The following TPO variants were observed in gnomAD, a reference collection of about 807,000 sequenced individuals.
TPO encodes the protein thyroid microsomal antigen.
Under a neutral mutation model 96.9 loss-of-function variants are expected in TPO, and 78 were observed. The observed-to-expected ratio is 0.81, with a 90% CI of 0.67 to 0.97. The LOEUF (loss-of-function observed/expected upper bound fraction) is 0.97. Among genes scored for constraint, TPO ranks in the 50% least tolerant of loss-of-function variants. The probability of loss-of-function intolerance (pLI) is 0.00; values close to 1 mark genes in which losing one functional copy is unlikely to be tolerated. For missense variants in TPO, 1,252 were observed against 1,274.8 expected, an observed-to-expected ratio of 0.98 and a Z score of 0.27; for synonymous variants, 547 against 538.0, an observed-to-expected ratio of 1.02 and a Z score of -0.23.
Position 1,477,931 on chromosome 2 carries a change from CCCCACAACA to C in TPO, c.1338+328_1338+336del, listed in dbSNP as rs537021291. On this transcript the variant is annotated intron_variant, in intron 8 of 16. Transcript: ENST00000329066. ...TCCCACCAAGACCCAACAACCACAGCCCCACAACAGTGGCAGCCAGACCACCCAGGTTTC... is the reference window on the plus strand; with the variant it reads ...TCCCACCAAGACCCAACAACCACAGCGTGGCAGCCAGACCACCCAGGTTTC... 3.2e-4 allele frequency: 311 copies of C among 985,388 alleles called. 1 individual carries two copies. The African/African-American group carries it at 5.2e-3, about 17-fold the overall frequency. 61.0% of individuals were successfully genotyped at this position (985,388 alleles called of 1,614,324 possible).
At chr2:1,482,166 G>A (rs1477807272) in intron 8 of TPO, among the ~76,000 whole-genome samples, 2 of 152,214 alleles carry the variant, frequency 1.3e-5, no homozygotes, top group Admixed American at 6.5e-5. Context: ...TGTGCCAGGG[G>A]CTACGCGGCT....
chr2:1,387,194 A>T (rs1274858485), intron 1 of TPO, among the ~76,000 whole-genome samples: 2 of 151,950 alleles, frequency 1.3e-5, no homozygotes, highest in African/African-American at 4.8e-5. Flanking sequence ...TGTGTCTTGG[A>T]GTTGCTCTTC....
At chr2:1,466,225 A>C (rs1465875148) in intron 7 of TPO, among the ~76,000 whole-genome samples, 2 of 152,186 alleles carry the variant, frequency 1.3e-5, no homozygotes, top group African/African-American at 4.8e-5. Flanking sequence ...CCATCCCTGC[A>C]TCCCTGGTAT....
At chr2:1,422,348 C>T (rs74354498) in intron 2 of TPO, among the ~76,000 whole-genome samples, 11,708 of 89,574 alleles carry the variant, frequency 0.13, 864 homozygotes, top group Admixed American at 0.14. Flanking sequence ...CTGGACCGAC[C>T]TCGTGCAGGC....
chr2:1,503,100 C>T (rs1290817111), intron 13 of TPO, among the ~76,000 whole-genome samples: 2 of 152,204 alleles, frequency 1.3e-5, no homozygotes, highest in African/African-American at 2.4e-5. Context: ...CTCCACTCAG[C>T]GGTGAGACTG....
chr2:1,541,092 A>C, intron 16 of TPO: 3 of 1,206,646 alleles, frequency 2.5e-6, no homozygotes, highest in Non-Finnish European at 3.1e-6. Context: ...AGTTATAATC[A>C]GTGTGGAAAA....
rs572281412 is a variant in TPO, at chr2:1,541,313, G to T, written c.2748+590G>T. On this transcript the variant is annotated intron_variant, in intron 16 of 16. Transcript: ENST00000329066. ...TCAGGTCTGCTGCACGGCATGGGGC[G>T]CACGCTTCCTCATAATGATCGCATG... The T allele has an allele frequency of 8.8e-6, 4 of 455,248 alleles. No homozygotes were observed. In the South Asian group the frequency reaches 2.8e-4, roughly 32 times the overall value. The allele number at this position is 455,248 out of a possible 1,614,324, so 28.2% of individuals were successfully genotyped here. A position where few individuals can be genotyped will look rare whatever the true frequency, so the allele number is the denominator to read the frequency against.
At chr2:1,374,163 A>T (rs72774216), upstream of TPO, 1 of 152,110 alleles carries the variant, frequency 6.6e-6, no homozygotes, top group African/African-American at 2.4e-5. Flanking sequence ...TCTTCACGAG[A>T]TTATAAGGAA....
At chr2:1,445,635 G>A (rs1666721300) in intron 5 of TPO, among the ~76,000 whole-genome samples, 1 of 143,392 alleles carries the variant, frequency 7.0e-6, no homozygotes, top group African/African-American at 2.7e-5. Flanking sequence ...AGGGAATGGG[G>A]CAGGCTCCTT....
rs1283097289 is a variant in TPO at position 1,536,651 on chromosome 2, C to CG, written c.2619-3943_2619-3942insG. On this transcript the variant is annotated intron_variant, in intron 15 of 16. Coordinates refer to ENST00000329066, the MANE Select transcript of TPO (RefSeq NM_001206744.2). ...TGAAACCTCCCCAAATCCCCCCCCC[C>CG]ACTGTGTGCAACCTCCCCAGATCTC... Among the ~76,000 whole-genome samples, 42 of 84,996 alleles carry CG rather than the reference C, an allele frequency of 4.9e-4. 1 individual carries two copies. In the East Asian group the frequency reaches 0.012, roughly 25 times the overall value. 55.8% of individuals were successfully genotyped at this position (84,996 alleles called of 152,430 possible).
intron 15 of TPO, among the ~76,000 whole-genome samples, chr2:1,536,773 T>C (rs554516654): frequency 8.5e-5 from 7 of 82,298 alleles, no homozygotes; most frequent in African/African-American, 3.2e-4. Flanking sequence ...TCACTCTGTG[T>C]AATCTCCCCA....
chr2:1,530,166 C>G (rs1317868437), intron 15 of TPO, among the ~76,000 whole-genome samples: 2 of 112,358 alleles, frequency 1.8e-5, no homozygotes, highest in African/African-American at 3.9e-5. Flanking sequence ...GCAACCTCCT[C>G]AAATCCCCCC....
chr2:1,412,357 C>T (rs28909985), upstream of TPO, among the ~76,000 whole-genome samples: 652 of 152,268 alleles, frequency 4.3e-3, 8 homozygotes, highest in African/African-American at 0.015. Context: ...AATGAGCCAC[C>T]GAGTCTGGTC....
intron 15 of TPO, among the ~76,000 whole-genome samples, chr2:1,540,278 A>C (rs1361593070): frequency 1.3e-5 from 2 of 152,124 alleles, no homozygotes; most frequent in African/African-American, 4.8e-5. Context: ...CTTGGCAGTG[A>C]CTGGGGGGAA....
intron 10 of TPO, 65 bp downstream of exon 10, chr2:1,488,056 T>A (rs1371808411): frequency 6.2e-7 from 1 of 1,601,944 alleles, no homozygotes; most frequent in Non-Finnish European, 8.5e-7. Flanking sequence ...GCTAGCAACC[T>A]GCTGCTAGAG....
chr2:1,383,014 T>C (rs897727315), intron 1 of TPO, among the ~76,000 whole-genome samples: 1 of 151,938 alleles, frequency 6.6e-6, no homozygotes, highest in Non-Finnish European at 1.5e-5. Context: ...CTGAGAATGA[T>C]GGTTTCCAGC....
intron 2 of TPO, among the ~76,000 whole-genome samples, chr2:1,422,391 G>GCTGGACCGACCTCGTGCAGGCGCCTCTC (rs1663825998): frequency 3.9e-5 from 2 of 51,910 alleles, no homozygotes; most frequent in African/African-American, 2.1e-4. Flanking sequence ...CAGGCGCCGC[G>GCTGGACCGACCTCGTGCAGGCGCCTCTC]CTGGGCCATG....
At chr2:1,440,292 G>C (rs1299984757) in intron 5 of TPO, among the ~76,000 whole-genome samples, 6 of 152,170 alleles carry the variant, frequency 3.9e-5, no homozygotes, top group African/African-American at 1.4e-4. Context: ...TGTCGAAATG[G>C]TGGATTTTAA....
upstream of TPO, among the ~76,000 whole-genome samples, chr2:1,409,701 G>A (rs189379438): frequency 4.0e-4 from 61 of 152,208 alleles, no homozygotes; most frequent in East Asian, 8.5e-3. Context: ...GCCCACGGCC[G>A]TCGGGGGTCA....
Sources: allele counts gnomAD v4.1 joint callset (sites outside exome capture counted in the v4.1 genomes callset), GRCh38; gene constraint gnomAD v4.1.1; transcripts MANE v1.5; gene names NCBI Gene and HGNC (gene_info 2026-07-23, HGNC 2026-07-21).